The following CD163 variants were observed in gnomAD, a reference collection of about 807,000 sequenced individuals.
The protein encoded by CD163 is CD163 molecule.
CD163 carries 64 observed loss-of-function variants against 129.2 expected under a neutral mutation model. The observed-to-expected ratio is 0.50, with a 90% confidence interval of 0.41 to 0.61. The LOEUF (loss-of-function observed/expected upper bound fraction) is 0.61. Ranked by LOEUF, CD163 falls within the 20% of genes least tolerant of loss-of-function variation. CD163 has a pLI of 0.00. For missense variants in CD163, 1,061 were observed against 1,377.9 expected (o/e 0.77, Z 3.64); for synonymous variants, 446 against 478.5 (o/e 0.93, Z 0.89).
At chr12:7,482,573 C>T (rs1256079911) in intron 14 of CD163, 70 bp downstream of exon 14, 3 of 1,538,184 alleles carry the variant, frequency 2.0e-6, no homozygotes, top group African/African-American at 1.4e-5. Flanking sequence ...AGACTTGAGT[C>T]TAATATTTTC....
chr12:7,486,277 G>T (rs1238431735), intron 10 of CD163, among the ~76,000 whole-genome samples: 1 of 152,060 alleles, frequency 6.6e-6, no homozygotes, highest in Non-Finnish European at 1.5e-5. Context: ...TCATTTTCAT[G>T]ATATACAAGA....
intron 4 of CD163, among the ~76,000 whole-genome samples, chr12:7,497,457 A>G (rs895113274): frequency 6.6e-6 from 1 of 152,208 alleles, no homozygotes; most frequent in Non-Finnish European, 1.5e-5. Flanking sequence ...TGGTTAAAAT[A>G]TATTTGCATG....
chr12:7,483,462 C>T lies in CD163; in HGVS notation c.2993G>A (p.Cys998Tyr). The change falls in exon 12 of 17, where the codon TGC (cysteine) becomes TAC (tyrosine). Residue 998 changes from cysteine to tyrosine, a missense_variant. Cys to Tyr is a radical substitution (Grantham distance 194, BLOSUM62 -2). Coordinates refer to ENST00000432237, the MANE Select transcript of CD163 (RefSeq NM_203416.4). ...CCACAAGGAAGACTCATTCCCTTTG[C>T]ACTTCACTTCATTGAGCCATATCGG... Reference protein sequence around the residue: ...TGPIWLNEVKCKGNESSLWDC... With the variant: ...TGPIWLNEVKYKGNESSLWDC... 6.2e-7 allele frequency: 1 copy of T among 1,614,092 alleles called. No individual in the cohort carries two copies. The highest frequency in any genetic ancestry group is 8.5e-7 in the Non-Finnish European group (1 of 1,179,992).
chr12:7,484,413 G>A (rs1949218859), intron 11 of CD163, among the ~76,000 whole-genome samples: 1 of 152,070 alleles, frequency 6.6e-6, no homozygotes, highest in Non-Finnish European at 1.5e-5. Context: ...GCCAAGGCGG[G>A]TGGATCACCT....
At position 7,490,726 on chromosome 12, in the gene CD163, A is replaced by G. The variant is rs1949316250; in HGVS notation, c.1421-2639T>C. Among the ~76,000 whole-genome samples the G allele has an allele frequency of 2.0e-5, 3 of 152,094 alleles. No individual in the cohort carries two copies. The South Asian group carries it at 6.2e-4, about 32-fold the overall frequency. ...TGTCTTAGAAAATGTTTCGAATATG[A>G]CCATGTTCTGTACTACAGCAATATA... On this transcript the variant is annotated intron_variant, in intron 6 of 16. Coordinates refer to ENST00000432237, the MANE Select transcript of CD163 (RefSeq NM_203416.4).
chr12:7,482,717 C>T lies in CD163; in HGVS notation c.3173G>A (p.Gly1058Glu). ...GACGAAAATGGCCAACAGAACAACCCCAAGGATCCCGACTGCAATAAAGGA... is the reference window on the plus strand; with the variant it reads ...GACGAAAATGGCCAACAGAACAACCTCAAGGATCCCGACTGCAATAAAGGA... ...QSSFIAVGIL[G>E]VVLLAIFVAL... Residue 1058 changes from glycine (G) to glutamate (E), a missense_variant, in exon 14 of 17, where the codon GGG becomes GAG. Transcript: ENST00000432237. 1 of 1,614,048 alleles carries T rather than the reference C, an allele frequency of 6.2e-7. No homozygotes were observed. Among genetic ancestry groups the T allele is most frequent in the Non-Finnish European group, 8.5e-7 (1 of 1,179,948 alleles).
intron 2 of CD163, among the ~76,000 whole-genome samples, chr12:7,502,080 G>A (rs948276373): frequency 5.3e-5 from 8 of 152,124 alleles, no homozygotes; most frequent in Non-Finnish European, 1.2e-4. Context: ...TTAGCTTTAT[G>A]TAGGAATCTG....
intron 4 of CD163, among the ~76,000 whole-genome samples, chr12:7,498,304 C>A (rs528226880): frequency 8.6e-5 from 13 of 152,002 alleles, no homozygotes; most frequent in Non-Finnish European, 1.9e-4. Flanking sequence ...CACACACAAA[C>A]GATTTTCCCC....
rs1565400199 is a variant in CD163, at chr12:7,483,665, T to C, written c.2790A>G (p.Arg930=). Residue 930 remains arginine, a synonymous_variant, in exon 12 of 17, where the codon AGA becomes AGG. Transcript: ENST00000432237. ...AACAGGAAGTGGGTCCTTCCTGAAGTCTTATCTTGTCTGAAAAATCAGAGA... is the reference window on the plus strand; with the variant it reads ...AACAGGAAGTGGGTCCTTCCTGAAGCCTTATCTTGTCTGAAAAATCAGAGA... ...ETWITCDNKI[R]LQEGPTSCSG... 1 of 1,604,506 alleles carries C rather than the reference T, an allele frequency of 6.2e-7. No homozygotes were observed. Among genetic ancestry groups the C allele is most frequent in the Non-Finnish European group, 8.5e-7 (1 of 1,174,076 alleles).
intron 11 of CD163, among the ~76,000 whole-genome samples, chr12:7,484,063 A>G (rs1240066039): frequency 6.6e-6 from 1 of 151,122 alleles, no homozygotes; most frequent in East Asian, 2.0e-4. Flanking sequence ...GATGGTCTCG[A>G]TCTCCTGACC....
rs58901449 is a variant in CD163 at position 7,475,097 on chromosome 12, C to CAAAAAAAAAAAAAAAAAAAAAAAAAAAA, written c.*32-3701_*32-3700insTTTTTTTTTTTTTTTTTTTTTTTTTTTT. ...AGGCAGTAAGTAATAGCCTACCAACCAAAAAAAAAAAAAAAAAAAAACCAT... is the reference window on the plus strand; with the variant it reads ...AGGCAGTAAGTAATAGCCTACCAACCAAAAAAAAAAAAAAAAAAAAAAAAAAAAAAAAAAAAAAAAAAAAAAAAACCAT... On this transcript the variant is annotated intron_variant, in intron 16 of 16. Coordinates refer to ENST00000432237, the MANE Select transcript of CD163 (RefSeq NM_203416.4). Among the ~76,000 whole-genome samples, 6 of 94,020 alleles carry CAAAAAAAAAAAAAAAAAAAAAAAAAAAA rather than the reference C, an allele frequency of 6.4e-5. 1 individual carries two copies. The highest frequency in any genetic ancestry group is 2.2e-4 in the African/African-American group (5 of 22,398). 61.7% of individuals were successfully genotyped at this position (94,020 alleles called of 152,430 possible).
At chr12:7,483,780 T>A in intron 11 of CD163, 105 bp from the exon 12 acceptor site, 1 of 444,964 alleles carries the variant, frequency 2.2e-6, no homozygotes, top group Non-Finnish European at 3.6e-6. Flanking sequence ...AAAAAACTAT[T>A]TAAAATTTTA....
chr12:7,488,980 C>T (rs1405337901), intron 6 of CD163, among the ~76,000 whole-genome samples: 1 of 152,124 alleles, frequency 6.6e-6, no homozygotes, highest in Non-Finnish European at 1.5e-5. Flanking sequence ...AAGCATTTAA[C>T]AAACATTATT....
intron 6 of CD163, among the ~76,000 whole-genome samples, chr12:7,491,931 T>G (rs1239735343): frequency 6.6e-6 from 1 of 152,176 alleles, no homozygotes; most frequent in East Asian, 1.9e-4. Flanking sequence ...CCAATTCTCC[T>G]GCTTAGTTGA....
At chr12:7,478,398 T>C (rs1046735476) in intron 16 of CD163, among the ~76,000 whole-genome samples, 2 of 152,200 alleles carry the variant, frequency 1.3e-5, no homozygotes, top group African/African-American at 4.8e-5. Context: ...TTTGTTAGTC[T>C]GATTTGTATA....
At position 7,476,211 on chromosome 12, in the gene CD163, T is replaced by G. The variant is rs186062629; in HGVS notation, c.*31+3649A>C. 4.3e-4 allele frequency among the ~76,000 whole-genome samples: 66 copies of G among 152,330 alleles called. No homozygotes were observed. In the East Asian group the frequency reaches 0.012, roughly 27 times the overall value. ...CTATTCTCATCAAGCTACCATCGAC[T>G]TTCTTTACAGAATTGGAAAAATCTA... On this transcript the variant is annotated intron_variant, in intron 16 of 16. Coordinates refer to ENST00000432237, the MANE Select transcript of CD163 (RefSeq NM_203416.4).
Position 7,486,807 on chromosome 12 carries a change from C to A in CD163, c.2150G>T (p.Gly717Val), listed in dbSNP as rs1285701179. The A allele has an allele frequency of 6.2e-7, 1 of 1,608,540 alleles. No homozygotes were observed. Among genetic ancestry groups the A allele is most frequent in the African/African-American group, 1.3e-5 (1 of 74,740 alleles). Reference sequence around the variant, plus strand: ...TCCTCCATTTACCAGGCGAAGTTGACCACTCTCTGCAAAGAGAAATGAAAC... The same window carrying A: ...TCCTCCATTTACCAGGCGAAGTTGAACACTCTCTGCAAAGAGAAATGAAAC... Reference protein sequence around the residue: ...EESAVACIESGQLRLVNGGGR... With the variant: ...EESAVACIESVQLRLVNGGGR... Residue 717 changes from glycine to valine, a missense_variant, in exon 10 of 17, where the codon GGT becomes GTT. Gly to Val is a moderately radical substitution (Grantham distance 109, BLOSUM62 -3). Transcript: ENST00000432237.
In CD163 at chr12:7,495,332, A is replaced by G. The variant is rs1335150639; in HGVS notation, c.1169T>C (p.Ile390Thr). 6.2e-7 allele frequency: 1 copy of G among 1,614,096 alleles called. No individual in the cohort carries two copies. Among genetic ancestry groups the G allele is most frequent in the Admixed American group, 1.7e-5 (1 of 59,998 alleles). Residue 390 changes from isoleucine (I) to threonine (T), a missense_variant, in exon 6 of 17, where the codon ATT (isoleucine) becomes ACT (threonine). Transcript: ENST00000432237. ...SRCAGTVEVE[I>T]QRLLGKVCDR... is the part of the protein sequence containing the mutation. Reference sequence around the variant, plus strand: ...ACACACCTTCCCTAACAGTCTCTGAATCTCCACCTCAACTGTCCCAGCACA... The same window carrying G: ...ACACACCTTCCCTAACAGTCTCTGAGTCTCCACCTCAACTGTCCCAGCACA...
In CD163 at chr12:7,482,948, A is replaced by T. The variant is rs2136698023; in HGVS notation, c.3127+18T>A. The T allele has an allele frequency of 6.2e-7, 1 of 1,612,692 alleles. No individual in the cohort carries two copies. Among genetic ancestry groups the T allele is most frequent in the South Asian group, 1.1e-5 (1 of 90,782 alleles). ...TATGCAGATAATTGGTCTCATCATC[A>T]TAAACTCCATGATATACCTGTTGTG... On this transcript the variant is annotated intron_variant, in intron 13 of 16. Coordinates refer to ENST00000432237, the MANE Select transcript of CD163 (RefSeq NM_203416.4).
Sources: gnomAD v4.1 joint callset for allele counts (sites outside exome capture counted in the v4.1 genomes callset) on GRCh38, gnomAD v4.1.1 for gene constraint, MANE v1.5 for transcripts, NCBI Gene and HGNC (gene_info 2026-07-23, HGNC 2026-07-21) for gene names.